Variants in ARMC9 observed in about 807,000 individuals in gnomAD.
ARMC9 encodes armadillo repeat containing 9, also known as lisH domain-containing protein ARMC9.
In ARMC9, 94 loss-of-function variants were observed where a neutral mutation model predicts 107.0. The observed-to-expected ratio is 0.88, with a 90% confidence interval of 0.74 to 1.04. The LOEUF (loss-of-function observed/expected upper bound fraction) is 1.04, where lower values mean the gene tolerates loss of function less well. Among genes scored for constraint, ARMC9 ranks in the 50% least tolerant of loss-of-function variants. The pLI is 0.00. For synonymous variants in ARMC9, 380 were observed against 396.9 expected (o/e 0.96, Z 0.51); for missense variants, 942 against 1,030.1 (o/e 0.91, Z 1.17).
intron 5 of ARMC9, 40 bp downstream of exon 5, chr2:231,216,833 G>A (rs767212524): frequency 3.2e-5 from 51 of 1,583,932 alleles, no homozygotes. Context: ...GATCCTGGGT[G>A]ACATTGTGGT....
intron 19 of ARMC9, among the ~76,000 whole-genome samples, chr2:231,310,501 T>C (rs1421934130): frequency 2.4e-4 from 34 of 139,068 alleles, no homozygotes; most frequent in Middle Eastern, 4.8e-3. Flanking sequence ...GAGGCCGAGG[T>C]GGGCGGATCA....
intron 9 of ARMC9, among the ~76,000 whole-genome samples, chr2:231,243,184 T>G (rs1439103271): frequency 6.6e-6 from 1 of 151,798 alleles, no homozygotes; most frequent in Non-Finnish European, 1.5e-5. Flanking sequence ...GAGGCGGAGC[T>G]TGCAGTGAGC....
chr2:231,323,983 C>T (rs922244499), intron 19 of ARMC9, among the ~76,000 whole-genome samples: 3 of 152,084 alleles, frequency 2.0e-5, no homozygotes, highest in African/African-American at 7.2e-5. Flanking sequence ...CCCCAGGCCC[C>T]CTGCTCACAC....
Position 231,276,792 on chromosome 2 carries a change from T to C in ARMC9, c.1474+17T>C. Reference sequence around the variant, plus strand: ...GCAGCACAGGTCTCAGCCCCGACCCTCATTCTAGTGCAAGAAGGGGAAGAG... The same window carrying C: ...GCAGCACAGGTCTCAGCCCCGACCCCCATTCTAGTGCAAGAAGGGGAAGAG... On this transcript the variant is annotated intron_variant, in intron 15 of 24. Transcript: ENST00000611582. 6.2e-7 allele frequency: 1 copy of C among 1,612,954 alleles called. No individual in the cohort carries two copies. The highest frequency in any genetic ancestry group is 8.5e-7 in the Non-Finnish European group (1 of 1,179,442).
intron 21 of ARMC9, among the ~76,000 whole-genome samples, chr2:231,355,046 A>G (rs2045280773): frequency 6.6e-6 from 1 of 152,220 alleles, no homozygotes; most frequent in Admixed American, 6.5e-5. Flanking sequence ...GTTACAAGAA[A>G]GTAAGTTCTA....
chr2:231,319,197 G>T (rs974359259), intron 19 of ARMC9, among the ~76,000 whole-genome samples: 8 of 152,200 alleles, frequency 5.3e-5, no homozygotes, highest in African/African-American at 1.9e-4. Flanking sequence ...CTGCCTGAGT[G>T]AGGTCAGTAA....
chr2:231,248,721 C>T (rs550860956), intron 9 of ARMC9, among the ~76,000 whole-genome samples: 2 of 149,074 alleles, frequency 1.3e-5, no homozygotes, highest in South Asian at 2.1e-4. Context: ...GCAGAAGAAT[C>T]GCTTGAACCC....
intron 19 of ARMC9, among the ~76,000 whole-genome samples, chr2:231,318,676 A>G (rs1292573390): frequency 6.6e-6 from 1 of 152,032 alleles, no homozygotes; most frequent in Non-Finnish European, 1.5e-5. Flanking sequence ...GCACTTCCCC[A>G]CTGAGCAAGT....
rs1423815349 is a variant in ARMC9 at position 231,291,439 on chromosome 2, TTCCGGTCAGTTTGA to T, written c.1715_1717+11del. On this transcript the variant is annotated splice_donor_variant and splice_donor_5th_base_variant and coding_sequence_variant and intron_variant, in exon 18 of 25. Coordinates refer to ENST00000611582, the MANE Select transcript of ARMC9 (RefSeq NM_001352754.2). LOFTEE classifies it high-confidence loss of function. ...TAGAATTCATCATCAAGCAGCTAAATTCCGGTCAGTTTGATGCAAGAATCTTTGATCTATCTTTT... is the reference window on the plus strand; with the variant it reads ...TAGAATTCATCATCAAGCAGCTAAATTGCAAGAATCTTTGATCTATCTTTT... The T allele has an allele frequency of 6.2e-7, 1 of 1,612,638 alleles. No homozygotes were observed. Among genetic ancestry groups the T allele is most frequent in the Admixed American group, 1.7e-5 (1 of 60,006 alleles).
At chr2:231,303,123 G>T (rs1272319914) in intron 19 of ARMC9, among the ~76,000 whole-genome samples, 3 of 152,228 alleles carry the variant, frequency 2.0e-5, no homozygotes, top group Admixed American at 6.5e-5. Flanking sequence ...ATGTGCTAAT[G>T]TATAGAAATA....
intron 17 of ARMC9, among the ~76,000 whole-genome samples, chr2:231,289,558 G>A (rs940917345): frequency 9.2e-5 from 14 of 152,206 alleles, no homozygotes; most frequent in African/African-American, 3.1e-4. Context: ...TACATTGAGT[G>A]GGGGATGGAG....
intron 1 of ARMC9, among the ~76,000 whole-genome samples, chr2:231,204,247 GT>G (rs1327319823): frequency 1.3e-5 from 2 of 149,742 alleles, no homozygotes; most frequent in African/African-American, 4.9e-5. Context: ...TGAGCCTCCT[GT>G]TACTGTCAGC....
intron 17 of ARMC9, among the ~76,000 whole-genome samples, chr2:231,285,608 T>A (rs1218444316): frequency 6.6e-6 from 1 of 151,106 alleles, no homozygotes; most frequent in Admixed American, 6.6e-5. Context: ...ATCATGCCAC[T>A]GGACTCCACC....
In ARMC9 at chr2:231,207,773, C is replaced by T. The variant is rs530715648; in HGVS notation, c.52-354C>T. On this transcript the variant is annotated intron_variant, in intron 2 of 24. Transcript: ENST00000611582. ...ACAGGCTTGAGTCACGGCTCCTGGCCGGTAGTTCTATTTTTATTTTTTTGA... is the reference window on the plus strand; with the variant it reads ...ACAGGCTTGAGTCACGGCTCCTGGCTGGTAGTTCTATTTTTATTTTTTTGA... Among the ~76,000 whole-genome samples the T allele has an allele frequency of 6.6e-5, 10 of 152,324 alleles. No individual in the cohort carries two copies. The East Asian group carries it at 7.7e-4, about 12-fold the overall frequency.
intron 19 of ARMC9, among the ~76,000 whole-genome samples, chr2:231,312,824 G>T (rs947798178): frequency 9.9e-5 from 15 of 152,124 alleles, no homozygotes; most frequent in African/African-American, 3.4e-4. Context: ...AGGACTCAAT[G>T]AACTAATCTG....
At chr2:231,313,354 T>C in intron 19 of ARMC9, among the ~76,000 whole-genome samples, 1 of 152,240 alleles carries the variant, frequency 6.6e-6, no homozygotes, top group Non-Finnish European at 1.5e-5. Flanking sequence ...TCGTGTCTTT[T>C]AATATAAAGT....
Position 231,224,865 on chromosome 2 carries a change from C to T in ARMC9, c.598-1909C>T, listed in dbSNP as rs549764009. On this transcript the variant is annotated intron_variant, in intron 6 of 24. Coordinates refer to ENST00000611582, the MANE Select transcript of ARMC9 (RefSeq NM_001352754.2). Reference sequence around the variant, plus strand: ...GCAAACAGAGGAGGGATGGGAATTACAGGTAGAGGGAACAGCCTGTGCAAA... The same window carrying T: ...GCAAACAGAGGAGGGATGGGAATTATAGGTAGAGGGAACAGCCTGTGCAAA... Among the ~76,000 whole-genome samples, 27 of 152,210 alleles carry T rather than the reference C, an allele frequency of 1.8e-4. 2 individuals are homozygous for T. In the South Asian group the frequency reaches 5.4e-3, roughly 30 times the overall value.
intron 20 of ARMC9, among the ~76,000 whole-genome samples, chr2:231,337,024 G>A (rs768164567): frequency 2.6e-5 from 4 of 152,182 alleles, no homozygotes; most frequent in Non-Finnish European, 4.4e-5. Flanking sequence ...GAGGTGGCTT[G>A]CAGCGGGCCC....
chr2:231,208,344 T>C (rs549822594), intron 3 of ARMC9, 92 bp downstream of exon 3: 7 of 993,984 alleles, frequency 7.0e-6, no homozygotes, highest in African/African-American at 3.3e-5. Flanking sequence ...TAGAATAGTT[T>C]TTGAGCACTT....
Sources: gnomAD v4.1 joint callset for allele counts (sites outside exome capture counted in the v4.1 genomes callset) on GRCh38, gnomAD v4.1.1 for gene constraint, MANE v1.5 for transcripts, NCBI Gene and HGNC (gene_info 2026-07-23, HGNC 2026-07-21) for gene names.